The following DOCK3 variants were observed in gnomAD, a reference collection of about 807,000 sequenced individuals.
The protein encoded by DOCK3 is dedicator of cytokinesis protein 3.
In DOCK3, 60 loss-of-function variants were observed where a neutral mutation model predicts 265.6. That is an observed-to-expected ratio of 0.23 (90% CI 0.18 to 0.28). The LOEUF (loss-of-function observed/expected upper bound fraction) is 0.28. Ranked by LOEUF, DOCK3 falls within the 10% of genes least tolerant of loss-of-function variation. DOCK3 has a pLI of 1.00. For synonymous variants in DOCK3, 881 were observed against 938.0 expected, an observed-to-expected ratio of 0.94 and a Z score of 1.11; for missense variants, 1,981 against 2,594.3, an observed-to-expected ratio of 0.76 and a Z score of 5.14.
intron 2 of DOCK3, among the ~76,000 whole-genome samples, chr3:50,809,141 A>G (rs1273884797): frequency 6.6e-6 from 1 of 152,234 alleles, no homozygotes; most frequent in Non-Finnish European, 1.5e-5. Flanking sequence ...TGTTCAAAAG[A>G]TCGTTAAGTA....
At chr3:50,943,337 T>C (rs1484416343) in intron 5 of DOCK3, among the ~76,000 whole-genome samples, 1 of 152,056 alleles carries the variant, frequency 6.6e-6, no homozygotes, top group Non-Finnish European at 1.5e-5. Context: ...ATTTTGTTTC[T>C]CTAAATATTA....
At chr3:50,894,548 C>T (rs1397937446) in intron 4 of DOCK3, among the ~76,000 whole-genome samples, 6 of 151,716 alleles carry the variant, frequency 4.0e-5, no homozygotes, top group Non-Finnish European at 7.4e-5. Flanking sequence ...CAGGCAAAGG[C>T]AAATATATAC....
In DOCK3 at chr3:50,866,477, C is replaced by CT. The variant is rs35832182; in HGVS notation, c.163-23533dup. ...TCCAGCCTGGTGACAAAGCGAGACT[C>CT]TTTTTTTTTTTTTTTTGAGACAAAG... On this transcript the variant is annotated intron_variant, in intron 3 of 52. Transcript: ENST00000266037. Among the ~76,000 whole-genome samples the CT allele has an allele frequency of 5.4e-3, 770 of 141,508 alleles. 4 individuals carry two copies. The highest frequency in any genetic ancestry group is 7.8e-3 in the Non-Finnish European group (504 of 64,928). The allele number at this position is 141,508 out of a possible 152,430, so 92.8% of individuals were successfully genotyped here.
rs1425607724 is a variant in DOCK3, at chr3:51,348,922, G to A, written c.3986G>A (p.Ser1329Asn). 6.3e-7 allele frequency: 1 copy of A among 1,575,372 alleles called. No individual in the cohort carries two copies. Among genetic ancestry groups the A allele is most frequent in the South Asian group, 1.2e-5 (1 of 85,622 alleles). ...CQYESLYDYQ[S>N]LSWIRKMEAS... ...TACGAGAGCCTCTATGATTACCAGAGCCTCAGCTGGATTCGGGTGAGCTGT... is the reference window on the plus strand; with the variant it reads ...TACGAGAGCCTCTATGATTACCAGAACCTCAGCTGGATTCGGGTGAGCTGT... Residue 1329 changes from serine to asparagine, a missense_variant, in exon 39 of 53, where the codon AGC becomes AAC. Around this residue, in one of 4 missense-constraint regions of DOCK3, gnomAD observed 1,357 missense variants for 1,866.8 expected, o/e 0.73. Transcript: ENST00000266037.
intron 5 of DOCK3, among the ~76,000 whole-genome samples, chr3:50,952,748 A>G (rs1024554727): frequency 6.6e-6 from 1 of 152,104 alleles, no homozygotes; most frequent in Non-Finnish European, 1.5e-5. Flanking sequence ...TATATTATAT[A>G]CTTGTGCTTG....
intron 9 of DOCK3, among the ~76,000 whole-genome samples, chr3:51,100,475 G>A (rs909143968): frequency 7.2e-5 from 11 of 152,118 alleles, no homozygotes; most frequent in Non-Finnish European, 7.4e-5. Flanking sequence ...CAGGAAATGG[G>A]AATCTCAAAT....
At chr3:50,704,975 G>A (rs1038835944) in intron 1 of DOCK3, among the ~76,000 whole-genome samples, 2 of 150,522 alleles carry the variant, frequency 1.3e-5, no homozygotes, top group African/African-American at 4.9e-5. Context: ...ATTCAAGGTT[G>A]TCACTGATAG....
intron 9 of DOCK3, among the ~76,000 whole-genome samples, chr3:51,142,828 C>T (rs2107219304): frequency 6.6e-6 from 1 of 152,180 alleles, no homozygotes; most frequent in Middle Eastern, 3.4e-3. Context: ...TTCTTACCAA[C>T]AGTTTATGAG....
chr3:51,018,192 T>C (rs1221901293), intron 5 of DOCK3, among the ~76,000 whole-genome samples: 1 of 151,922 alleles, frequency 6.6e-6, no homozygotes, highest in African/African-American at 2.4e-5. Context: ...GCTGGTTTTC[T>C]GTATCTTTTT....
At chr3:50,728,715 TTAAA>T (rs1176600481) in intron 1 of DOCK3, among the ~76,000 whole-genome samples, 2 of 112,030 alleles carry the variant, frequency 1.8e-5, no homozygotes, top group African/African-American at 7.3e-5. Flanking sequence ...TGATACTATA[TTAAA>T]TAAATAGAAT....
chr3:51,102,386 C>A (rs1256114260), intron 9 of DOCK3, among the ~76,000 whole-genome samples: 1 of 152,148 alleles, frequency 6.6e-6, no homozygotes, highest in African/African-American at 2.4e-5. Flanking sequence ...ATTCTGTCAG[C>A]AAATCAATCA....
chr3:50,818,967 C>A (rs900272144), intron 2 of DOCK3, among the ~76,000 whole-genome samples: 2 of 152,114 alleles, frequency 1.3e-5, no homozygotes, highest in African/African-American at 4.8e-5. Context: ...TTCCTGGGCT[C>A]ATAATTCTAA....
intron 5 of DOCK3, among the ~76,000 whole-genome samples, chr3:50,948,603 CT>C (rs991100439): frequency 6.6e-6 from 1 of 151,344 alleles, no homozygotes; most frequent in African/African-American, 2.4e-5. Flanking sequence ...TCTTCTTTCT[CT>C]TTTCTTTTCT....
intron 12 of DOCK3, among the ~76,000 whole-genome samples, chr3:51,167,097 T>C (rs1263476460): frequency 6.6e-6 from 1 of 152,224 alleles, no homozygotes; most frequent in Non-Finnish European, 1.5e-5. Flanking sequence ...TTAGGTCTTA[T>C]ATTTAAGCAT....
intron 5 of DOCK3, among the ~76,000 whole-genome samples, chr3:50,976,305 C>G (rs2108511219): frequency 8.0e-6 from 1 of 125,252 alleles, no homozygotes; most frequent in African/African-American, 2.9e-5. Flanking sequence ...CCACTACACA[C>G]TGCTTTCAAT....
At chr3:50,947,876 T>TA (rs1353523135) in intron 5 of DOCK3, among the ~76,000 whole-genome samples, 1 of 149,244 alleles carries the variant, frequency 6.7e-6, no homozygotes, top group Admixed American at 6.7e-5. Flanking sequence ...TTTTTTTTTT[T>TA]ATGGAGTCTT....
chr3:51,238,008 G>A (rs1038074464), intron 21 of DOCK3, among the ~76,000 whole-genome samples: 1 of 150,356 alleles, frequency 6.7e-6, no homozygotes, highest in African/African-American at 2.4e-5. Flanking sequence ...CCTTTTGTGA[G>A]TAGCTTATTT....
chr3:51,071,265 A>G (rs1252111298), intron 6 of DOCK3, among the ~76,000 whole-genome samples: 2 of 152,208 alleles, frequency 1.3e-5, no homozygotes, highest in Non-Finnish European at 2.9e-5. Flanking sequence ...AGCACAGAAT[A>G]GGTTCTAATA....
At chr3:51,242,027 C>T (rs2078632654) in intron 21 of DOCK3, among the ~76,000 whole-genome samples, 1 of 151,804 alleles carries the variant, frequency 6.6e-6, no homozygotes, top group African/African-American at 2.4e-5. Context: ...TGTGCTGGTT[C>T]TTTTTCATCT....
Sources: allele counts gnomAD v4.1 joint callset (sites outside exome capture counted in the v4.1 genomes callset), GRCh38; gene constraint gnomAD v4.1.1; regional missense constraint gnomAD v4.1.1; transcripts MANE v1.5; gene names NCBI Gene and HGNC (gene_info 2026-07-23, HGNC 2026-07-21).